The following PLA2G4D variants were observed in gnomAD, a reference collection of about 807,000 sequenced individuals.
The protein encoded by PLA2G4D is phospholipase A2 group IVD, also known as cytosolic phospholipase A2 delta.
PLA2G4D carries 80 observed loss-of-function variants against 94.4 expected under a neutral mutation model. The observed-to-expected ratio is 0.85, with a 90% CI of 0.71 to 1.02. The LOEUF is 1.02. PLA2G4D is among the 50% of genes least tolerant of loss of function. The pLI is 0.00. For missense variants in PLA2G4D, 1,050 were observed against 1,034.7 expected, an observed-to-expected ratio of 1.01 and a Z score of -0.20; for synonymous variants, 438 against 440.9, an observed-to-expected ratio of 0.99 and a Z score of 0.08.
In PLA2G4D at chr15:42,081,181, G is replaced by T. The variant is rs746271524; in HGVS notation, c.958-48C>A. The T allele has an allele frequency of 7.5e-6, 12 of 1,594,428 alleles. No homozygotes were observed. In the South Asian group the frequency reaches 9.1e-5, roughly 12 times the overall value. On this transcript the variant is annotated intron_variant, in intron 11 of 19. Coordinates refer to ENST00000290472, the MANE Select transcript of PLA2G4D (RefSeq NM_178034.4). ...GGATTAACAAGGAAAGGGGCCAGCT[G>T]CCTCCTGTCTCACCCAGGGCCCTGC... is the stretch of plus-strand genomic sequence containing the variant.
intron 13 of PLA2G4D, among the ~76,000 whole-genome samples, chr15:42,078,067 A>T (rs1889963464): frequency 6.6e-6 from 1 of 152,254 alleles, no homozygotes; most frequent in African/African-American, 2.4e-5. Flanking sequence ...GTAATTAAAA[A>T]TGGGTATAAA....
chr15:42,072,168 C>T (rs1444648938), intron 14 of PLA2G4D, 107 bp downstream of exon 14: 33 of 1,125,998 alleles, frequency 2.9e-5, no homozygotes, highest in Non-Finnish European at 4.2e-5. Flanking sequence ...CCTTCCGGAA[C>T]ATTGGGCAAT....
intron 13 of PLA2G4D, among the ~76,000 whole-genome samples, chr15:42,076,700 TA>T (rs1480264962): frequency 6.6e-6 from 1 of 152,198 alleles, no homozygotes; most frequent in East Asian, 1.9e-4. Flanking sequence ...AACAAAACTT[TA>T]AAAGTCTGCC....
rs527420617 is a variant in PLA2G4D at position 42,086,258 on chromosome 15, G to T, written c.342C>A (p.Val114=). 6.2e-7 allele frequency: 1 copy of T among 1,608,258 alleles called. No homozygotes were observed. ...CFKVLYDISE[V]LPGKLLRKTF... is the part of the protein sequence containing the mutation. ...TTTTCCGGAGCAGCTTGCCAGGGAG[G>T]ACTTCTGAGATGTCATAGAGAACCT... Residue 114 remains valine, a synonymous_variant, in exon 4 of 20, where the codon GTC becomes GTA. Coordinates refer to ENST00000290472, the MANE Select transcript of PLA2G4D (RefSeq NM_178034.4).
Position 42,079,625 on chromosome 15 carries a change from C to A in PLA2G4D, c.1229G>T (p.Arg410Leu). The A allele has an allele frequency of 6.2e-7, 1 of 1,611,820 alleles. No homozygotes were observed. The highest frequency in any genetic ancestry group is 8.5e-7 in the Non-Finnish European group (1 of 1,179,158). ...FSPERLASYR[R>L]ELELRAEQGH... ...CTGCTCAGCCCGCAGCTCCAGCTCCCGGCGGTAGCTCGCCAGGCGCTCTGG... is the reference window on the plus strand; with the variant it reads ...CTGCTCAGCCCGCAGCTCCAGCTCCAGGCGGTAGCTCGCCAGGCGCTCTGG... The change falls in exon 13 of 20, where the codon CGG becomes CTG. Residue 410 changes from arginine to leucine, a missense_variant. Physicochemically the swap from Arg to Leu is moderately radical, Grantham distance 102. Coordinates refer to ENST00000290472, the MANE Select transcript of PLA2G4D (RefSeq NM_178034.4).
At chr15:42,085,358 C>T in intron 5 of PLA2G4D, 133 bp downstream of exon 5, 2 of 1,151,358 alleles carry the variant, frequency 1.7e-6, no homozygotes, top group Non-Finnish European at 2.6e-6. Context: ...CCCCGCCCCA[C>T]TCCCGACCTC....
In PLA2G4D at chr15:42,068,730, T is replaced by G; in HGVS notation, c.2442A>C (p.Pro814=). The change falls in exon 20 of 20, where the codon CCA becomes CCC. Residue 814 remains proline (P), a synonymous_variant. Transcript: ENST00000290472. ...CTGAGCAACCTCAGGTCTGTGCCCT[T>G]GGAGGCCTCGCCTCTAGAGTCCGGT... ...LKHRTLEARP[P]RAQT The G allele has an allele frequency of 6.2e-7, 1 of 1,607,370 alleles. No homozygotes were observed. The highest frequency in any genetic ancestry group is 1.1e-5 in the South Asian group (1 of 89,912).
At chr15:42,083,869 C>T in intron 6 of PLA2G4D, 90 bp from the exon 7 acceptor site, 1 of 1,288,050 alleles carries the variant, frequency 7.8e-7, no homozygotes, top group Non-Finnish European at 1.1e-6. Flanking sequence ...TGTCCCAAAT[C>T]CACCACACAC....
chr15:42,077,517 G>A (rs1336966385), intron 13 of PLA2G4D, among the ~76,000 whole-genome samples: 2 of 152,202 alleles, frequency 1.3e-5, no homozygotes, highest in Non-Finnish European at 2.9e-5. Flanking sequence ...GCCTTCCCAA[G>A]TCTCACCTCA....
chr15:42,084,952 C>A lies in PLA2G4D; in HGVS notation c.471+144G>T. 1.1e-6 allele frequency: 1 copy of A among 886,508 alleles called. No homozygotes were observed. Among genetic ancestry groups the A allele is most frequent in the Non-Finnish European group, 1.8e-6 (1 of 567,148 alleles). 54.9% of individuals were successfully genotyped at this position (886,508 alleles called of 1,614,324 possible). On this transcript the variant is annotated intron_variant, in intron 6 of 19. Transcript: ENST00000290472. The surrounding 1 kb of genome is among the most constrained non-coding windows in gnomAD (Gnocchi z 4.8). ...CTCCAAGACCCACAGCCACAGGTGA[C>A]CACCTGGCTGGAAGGCTAGGGGTGG...
rs769807145 is a variant in PLA2G4D, at chr15:42,070,018, C to G, written c.2121G>C (p.Gln707His). The G allele has an allele frequency of 6.6e-7, 1 of 1,511,798 alleles. No individual in the cohort carries two copies. Among genetic ancestry groups the G allele is most frequent in the Non-Finnish European group, 8.8e-7 (1 of 1,131,322 alleles). The allele number at this position is 1,511,798 out of a possible 1,614,324, so 93.6% of individuals were successfully genotyped here. A position where few individuals can be genotyped will look rare whatever the true frequency, so the allele number is the denominator to read the frequency against. Residue 707 changes from glutamine to histidine, a missense_variant, in exon 19 of 20, where the codon CAG becomes CAC. Coordinates refer to ENST00000290472, the MANE Select transcript of PLA2G4D (RefSeq NM_178034.4). ...AGAGGTGGCATTCCCTTGGCTGGTGCTGGTCCTGAGGGCTGGGTTCCACCC... is the reference window on the plus strand; with the variant it reads ...AGAGGTGGCATTCCCTTGGCTGGTGGTGGTCCTGAGGGCTGGGTTCCACCC... Reference protein sequence around the residue: ...FPRVEPSPQDQHQPRECHLFS... With the variant: ...FPRVEPSPQDHHQPRECHLFS...
chr15:42,081,884 G>C (rs1890045776), intron 9 of PLA2G4D, 50 bp from the exon 10 acceptor site: 1 of 1,603,608 alleles, frequency 6.2e-7, no homozygotes, highest in African/African-American at 1.3e-5. Context: ...ACCCTAAGCG[G>C]CACATGGGTA....
Position 42,086,355 on chromosome 15 carries a change from G to C in PLA2G4D, c.256-11C>G. The C allele has an allele frequency of 6.2e-7, 1 of 1,612,906 alleles. No individual in the cohort carries two copies. Among genetic ancestry groups the C allele is most frequent in the Non-Finnish European group, 8.5e-7 (1 of 1,179,886 alleles). On this transcript the variant is annotated splice_polypyrimidine_tract_variant and intron_variant, in intron 3 of 19. Coordinates refer to ENST00000290472, the MANE Select transcript of PLA2G4D (RefSeq NM_178034.4). ...AAGCTCCAGAACATTCTAGGAACCA[G>C]GAACAGCGACTTAGCATTTTACCTG...
At chr15:42,091,673 G>A (rs1159402838) in intron 1 of PLA2G4D, among the ~76,000 whole-genome samples, 2 of 152,152 alleles carry the variant, frequency 1.3e-5, no homozygotes, top group Non-Finnish European at 2.9e-5. Flanking sequence ...TTACCTGGAG[G>A]CCTAACCATC....
chr15:42,087,774 C>A, intron 1 of PLA2G4D, 74 bp from the exon 2 acceptor site: 1 of 1,462,566 alleles, frequency 6.8e-7, no homozygotes, highest in Non-Finnish European at 9.4e-7. Context: ...CCCGGGCTGC[C>A]GACACCCCTC....
rs751800618 is a variant in PLA2G4D at position 42,070,822 on chromosome 15, C to T, written c.1938G>A (p.Val646=). Residue 646 remains valine (V), a synonymous_variant, in exon 18 of 20, where the codon GTG becomes GTA. Coordinates refer to ENST00000290472, the MANE Select transcript of PLA2G4D (RefSeq NM_178034.4). The stretch of plus-strand genomic sequence containing the variant: ...TGGTGTTGATGAAGTAGGCGGCGTC[C>T]ACCAGGCAGAGCCGGGGCTCCTTGG... ...LTPKEPRLCL[V]DAAYFINTSS... The T allele has an allele frequency of 2.5e-6, 4 of 1,611,062 alleles. No individual in the cohort carries two copies. The South Asian group carries it at 4.4e-5, about 18-fold the overall frequency.
chr15:42,090,563 G>A (rs975585782), intron 1 of PLA2G4D, among the ~76,000 whole-genome samples: 2 of 152,138 alleles, frequency 1.3e-5, no homozygotes, highest in African/African-American at 2.4e-5. Context: ...TGCTAGCACC[G>A]GTGCCCTGTG....
At chr15:42,075,560 T>C (rs537375169) in intron 13 of PLA2G4D, among the ~76,000 whole-genome samples, 1 of 152,330 alleles carries the variant, frequency 6.6e-6, no homozygotes, top group African/African-American at 2.4e-5. Flanking sequence ...ACAACATTTA[T>C]TGCAAAACAT....
rs1377040048 is a variant in PLA2G4D at position 42,070,839 on chromosome 15, G to A, written c.1921C>T (p.Pro641Ser). ...SMPSQLTPKE[P>S]RLCLVDAAYF... ...GCGGCGTCCACCAGGCAGAGCCGGG[G>A]CTCCTTGGGGGTCAGCTGGCTGGGC... is the stretch of plus-strand genomic sequence containing the variant. Residue 641 changes from proline (P) to serine (S), a missense_variant, in exon 18 of 20, where the codon CCC becomes TCC. Coordinates refer to ENST00000290472, the MANE Select transcript of PLA2G4D (RefSeq NM_178034.4). 1.2e-6 allele frequency: 2 copies of A among 1,612,072 alleles called. No individual in the cohort carries two copies. Among genetic ancestry groups the A allele is most frequent in the East Asian group, 2.2e-5 (1 of 44,846 alleles).
Sources: allele counts gnomAD v4.1 joint callset (sites outside exome capture counted in the v4.1 genomes callset), GRCh38; gene constraint gnomAD v4.1.1; non-coding constraint Gnocchi (gnomAD v3.1); transcripts MANE v1.5; gene names NCBI Gene and HGNC (gene_info 2026-07-23, HGNC 2026-07-21).